The following STAP2 variants were observed in gnomAD, a reference collection of about 807,000 sequenced individuals.
STAP2 encodes the protein signal-transducing adaptor protein 2.
In STAP2, 58 loss-of-function variants were observed where a neutral mutation model predicts 52.7. The observed-to-expected ratio is 1.10, with a 90% CI of 0.89 to 1.37. The LOEUF is 1.37. STAP2 is among the 40% of genes most tolerant of loss of function. STAP2 has a pLI of 0.00. For missense variants in STAP2, 522 were observed against 519.4 expected (o/e 1.00, Z -0.05); for synonymous variants, 231 against 210.5 (o/e 1.10, Z -0.84).
intron 1 of STAP2, among the ~76,000 whole-genome samples, chr19:4,335,036 A>G (rs1198602321): frequency 4.2e-4 from 49 of 115,786 alleles, no homozygotes; most frequent in East Asian, 1.1e-3. Flanking sequence ...CCACCTATCC[A>G]TCCATCCCTC....
At chr19:4,325,112 C>T (rs1039587034) in intron 11 of STAP2, 104 bp downstream of exon 11, 38 of 1,057,878 alleles carry the variant, frequency 3.6e-5, no homozygotes. Flanking sequence ...GCACTCCAGC[C>T]TGGGCGACAG....
chr19:4,327,954 C>A (rs969529979), intron 6 of STAP2, among the ~76,000 whole-genome samples: 1 of 152,044 alleles, frequency 6.6e-6, no homozygotes, highest in Non-Finnish European at 1.5e-5. Flanking sequence ...GACTCCCCCC[C>A]GTAGATCCTG....
chr19:4,332,185 T>C, intron 3 of STAP2, 107 bp from the exon 4 acceptor site: 1 of 640,586 alleles, frequency 1.6e-6, no homozygotes, highest in Non-Finnish European at 2.3e-6. Context: ...GTTTTCTTTT[T>C]TCTTTTTCTT....
chr19:4,338,816 G>A lies in STAP2; in HGVS notation c.-63C>T. 6.4e-7 allele frequency: 1 copy of A among 1,564,910 alleles called. No individual in the cohort carries two copies. The highest frequency in any genetic ancestry group is 8.7e-7 in the Non-Finnish European group (1 of 1,150,860). ...GTGGGTGCCCCAGCTGGGCCGGGAA[G>A]CTGAGAAACAGGTTTCAGGGGAGTT... On this transcript the variant is annotated 5_prime_UTR_variant, in exon 1 of 13. Transcript: ENST00000594605.
In STAP2 at chr19:4,324,200, G is replaced by A. The variant is rs1971744641; in HGVS notation, c.1148-3C>T. Reference sequence around the variant, plus strand: ...CTCTGCCGTCATGTCTGCCAGCCCTGGGGGTTCAGGACCAGGAGCTGCAGC... The same window carrying A: ...CTCTGCCGTCATGTCTGCCAGCCCTAGGGGTTCAGGACCAGGAGCTGCAGC... On this transcript the variant is annotated splice_region_variant and splice_polypyrimidine_tract_variant and intron_variant, in intron 12 of 12. Transcript: ENST00000594605. The A allele has an allele frequency of 6.4e-7, 1 of 1,550,792 alleles. No homozygotes were observed.
At chr19:4,328,869 T>C in intron 5 of STAP2, 60 bp from the exon 6 acceptor site, 5 of 1,573,664 alleles carry the variant, frequency 3.2e-6, no homozygotes, top group Non-Finnish European at 4.3e-6. Flanking sequence ...CTTCTGCACG[T>C]AAACCCTGCC....
In STAP2 at chr19:4,338,689, T is replaced by C; in HGVS notation, c.65A>G (p.Tyr22Cys). The C allele has an allele frequency of 4.3e-6, 7 of 1,612,904 alleles. No individual in the cohort carries two copies. The highest frequency in any genetic ancestry group is 5.9e-6 in the Non-Finnish European group (7 of 1,179,312). The change falls in exon 1 of 13, where the codon TAT (tyrosine) becomes TGT (cysteine). Residue 22 changes from tyrosine to cysteine, a missense_variant. Coordinates refer to ENST00000594605, the MANE Select transcript of STAP2 (RefSeq NM_001013841.2). Reference protein sequence around the residue: ...KPKGVLPSHYYESFLEKKGPC... With the variant: ...KPKGVLPSHYCESFLEKKGPC... ...CCCCTTCTTCTCTAGAAAGCTCTCA[T>C]AGTAGTGTGAAGGCAGGACACCCTT... is the stretch of plus-strand genomic sequence containing the variant.
intron 3 of STAP2, 112 bp from the exon 4 acceptor site, chr19:4,332,190 TTTCTTC>T: frequency 3.3e-6 from 2 of 604,406 alleles, no homozygotes; most frequent in Non-Finnish European, 2.5e-6. Flanking sequence ...CTTTTTTCTT[TTTCTTC>T]TTTTTTTTTT....
In STAP2 at chr19:4,327,137, G is replaced by A. The variant is rs1335593300; in HGVS notation, c.750C>T (p.Tyr250=). Residue 250 remains tyrosine (Y), a synonymous_variant, in exon 8 of 13, where the codon TAC becomes TAT. Coordinates refer to ENST00000594605, the MANE Select transcript of STAP2 (RefSeq NM_001013841.2). The part of the protein sequence containing the change: ...ALVPFLLDED[Y]EKVLGYVEAD... ...AGGGGCACCCACCTAGCACCTTCTCGTAGTCCTCGTCTAACAGGAATGGCA... is the reference window on the plus strand; with the variant it reads ...AGGGGCACCCACCTAGCACCTTCTCATAGTCCTCGTCTAACAGGAATGGCA... 2 of 1,614,204 alleles carry A rather than the reference G, an allele frequency of 1.2e-6. No homozygotes were observed. Among genetic ancestry groups the A allele is most frequent in the Non-Finnish European group, 1.7e-6 (2 of 1,180,032 alleles).
At chr19:4,325,147 A>C (rs1047433340) in intron 11 of STAP2, 69 bp downstream of exon 11, 10 of 1,398,112 alleles carry the variant, frequency 7.2e-6, no homozygotes, top group Non-Finnish European at 9.7e-6. Flanking sequence ...AAAAAAAAAA[A>C]AAAAAGTCAG....
chr19:4,331,880 C>G (rs1371837865), intron 4 of STAP2, 142 bp downstream of exon 4: 14 of 724,914 alleles, frequency 1.9e-5, no homozygotes, highest in Admixed American at 1.0e-4. Context: ...TGCAGTGAGC[C>G]GAGATCGCAC....
chr19:4,328,817 G>T lies in STAP2; in HGVS notation c.456-8C>A. On this transcript the variant is annotated splice_region_variant and splice_polypyrimidine_tract_variant and intron_variant, in intron 5 of 12. Transcript: ENST00000594605. ...CTCACCTTCAGGAAGCACCTGTGGC[G>T]GGCCGCGTCACCCACTCGGGACCCC... is the stretch of plus-strand genomic sequence containing the variant. 6.2e-7 allele frequency: 1 copy of T among 1,607,350 alleles called. No individual in the cohort carries two copies. The highest frequency in any genetic ancestry group is 2.2e-5 in the East Asian group (1 of 44,674).
chr19:4,324,175 C>T lies in STAP2; in HGVS notation c.1170G>A (p.Glu390=). 6 of 1,551,460 alleles carry T rather than the reference C, an allele frequency of 3.9e-6. No individual in the cohort carries two copies. Among genetic ancestry groups the T allele is most frequent in the Non-Finnish European group, 5.2e-6 (6 of 1,146,998 alleles). ...PTAGLADMTA[E]LQKKLEKRRA... Reference sequence around the variant, plus strand: ...GCCTCTTCTCCAGCTTCTTCTGTAGCTCTGCCGTCATGTCTGCCAGCCCTG... The same window carrying T: ...GCCTCTTCTCCAGCTTCTTCTGTAGTTCTGCCGTCATGTCTGCCAGCCCTG... Residue 390 remains glutamate, a synonymous_variant, in exon 13 of 13, where the codon GAG becomes GAA. Coordinates refer to ENST00000594605, the MANE Select transcript of STAP2 (RefSeq NM_001013841.2).
intron 1 of STAP2, 132 bp from the exon 2 acceptor site, chr19:4,334,176 TC>T: frequency 1.5e-6 from 1 of 663,738 alleles, no homozygotes; most frequent in Non-Finnish European, 2.4e-6. Context: ...CTTTATTACC[TC>T]CTGCCTTGAG....
At chr19:4,333,585 C>A (rs748395244) in intron 3 of STAP2, 109 bp downstream of exon 3, 2 of 1,410,180 alleles carry the variant, frequency 1.4e-6, no homozygotes, top group Non-Finnish European at 9.3e-7. Context: ...CCAGGGCCCA[C>A]AGGGCCCTGT....
chr19:4,332,976 G>A (rs987619763), intron 3 of STAP2, among the ~76,000 whole-genome samples: 2 of 151,908 alleles, frequency 1.3e-5, no homozygotes, highest in Non-Finnish European at 2.9e-5. Context: ...GATCACTTGA[G>A]GTCAGGAGTT....
intron 6 of STAP2, 52 bp downstream of exon 6, chr19:4,328,622 CA>C: frequency 6.5e-7 from 1 of 1,541,910 alleles, no homozygotes; most frequent in Non-Finnish European, 8.8e-7. Context: ...CCCCCGCGCC[CA>C]CCCTCTTCCC....
At chr19:4,330,498 GGGT>G (rs987625941) in intron 4 of STAP2, among the ~76,000 whole-genome samples, 2 of 150,510 alleles carry the variant, frequency 1.3e-5, no homozygotes, top group African/African-American at 4.9e-5. Flanking sequence ...ACTCCAGCCT[GGGT>G]GACAGAGTGA....
At chr19:4,331,889 A>G (rs1409956748) in intron 4 of STAP2, 133 bp downstream of exon 4, 20 of 813,416 alleles carry the variant, frequency 2.5e-5, no homozygotes, top group Non-Finnish European at 3.2e-5. Flanking sequence ...CCGAGATCGC[A>G]CCACTGCACT....
Sources: gnomAD v4.1 joint callset for allele counts (sites outside exome capture counted in the v4.1 genomes callset) on GRCh38, gnomAD v4.1.1 for gene constraint, MANE v1.5 for transcripts, NCBI Gene and HGNC (gene_info 2026-07-23, HGNC 2026-07-21) for gene names.